Variants in GRID2 observed in about 807,000 individuals in gnomAD.
GRID2 encodes glutamate receptor ionotropic, delta-2.
In GRID2, 33 loss-of-function variants were observed where a neutral mutation model predicts 114.8. The observed-to-expected ratio is 0.29, with a 90% CI of 0.22 to 0.38. The LOEUF (loss-of-function observed/expected upper bound fraction) is 0.38. Among genes scored for constraint, GRID2 ranks in the 10% least tolerant of loss-of-function variants. GRID2 has a pLI of 1.00. For synonymous variants in GRID2, 505 were observed against 449.9 expected (o/e 1.12, Z -1.55); for missense variants, 1,184 against 1,257.7 (o/e 0.94, Z 0.89).
chr4:93,377,343 C>T (rs1763471320), intron 8 of GRID2, among the ~76,000 whole-genome samples: 4 of 151,884 alleles, frequency 2.6e-5, no homozygotes, highest in African/African-American at 9.7e-5. Flanking sequence ...AGTTGTTTTG[C>T]CTGAGTTATG....
intron 8 of GRID2, among the ~76,000 whole-genome samples, chr4:93,390,187 G>C (rs775906774): frequency 2.0e-5 from 3 of 152,178 alleles, no homozygotes; most frequent in Non-Finnish European, 4.4e-5. Flanking sequence ...TACTCCTGGG[G>C]ATTCTGACTT....
intron 2 of GRID2, among the ~76,000 whole-genome samples, chr4:92,991,646 C>G (rs1408373708): frequency 2.0e-5 from 3 of 152,144 alleles, no homozygotes; most frequent in African/African-American, 7.2e-5. Context: ...TTTCTGAGAT[C>G]TGCTACACAT....
chr4:93,110,053 T>G (rs897730409), intron 3 of GRID2, among the ~76,000 whole-genome samples: 1 of 152,186 alleles, frequency 6.6e-6, no homozygotes, highest in African/African-American at 2.4e-5. Flanking sequence ...AAATGTTACT[T>G]AATATTTTCT....
At chr4:93,222,064 C>T (rs944244401) in intron 6 of GRID2, among the ~76,000 whole-genome samples, 3 of 152,094 alleles carry the variant, frequency 2.0e-5, no homozygotes, top group African/African-American at 7.2e-5. Context: ...CTCTCTCCAT[C>T]CTTCGTCTTC....
intron 2 of GRID2, among the ~76,000 whole-genome samples, chr4:93,064,082 T>C (rs1305582519): frequency 6.7e-6 from 1 of 149,298 alleles, no homozygotes; most frequent in Non-Finnish European, 1.5e-5. Flanking sequence ...ATGTTAATGG[T>C]ATACACTATA....
chr4:93,755,754 G>T (rs1732691959), intron 14 of GRID2, among the ~76,000 whole-genome samples: 1 of 152,138 alleles, frequency 6.6e-6, no homozygotes, highest in African/African-American at 2.4e-5. Flanking sequence ...TTAGAACAAA[G>T]TTTTTGAAGA....
chr4:93,564,850 G>A lies in GRID2; in HGVS notation c.2193+49439G>A, dbSNP rs951757818. On this transcript the variant is annotated intron_variant, in intron 13 of 15. Coordinates refer to ENST00000282020, the MANE Select transcript of GRID2 (RefSeq NM_001510.4). Reference sequence around the variant, plus strand: ...ATACAGCACCATATTACAAATATACGTCACTGTTTACTCAATTTATATCTG... The same window carrying A: ...ATACAGCACCATATTACAAATATACATCACTGTTTACTCAATTTATATCTG... Among the ~76,000 whole-genome samples the A allele has an allele frequency of 1.4e-4, 22 of 152,006 alleles. No homozygotes were observed. The East Asian group carries it at 1.5e-3, about 11-fold the overall frequency.
intron 13 of GRID2, among the ~76,000 whole-genome samples, chr4:93,577,796 G>A (rs1736566459): frequency 6.6e-6 from 1 of 152,256 alleles, no homozygotes; most frequent in South Asian, 2.1e-4. Flanking sequence ...AAGTAGTTTT[G>A]TCAGCTTTCT....
intron 13 of GRID2, among the ~76,000 whole-genome samples, chr4:93,540,054 G>T (rs1451274439): frequency 6.6e-6 from 1 of 151,838 alleles, no homozygotes. Flanking sequence ...AAAGCCTTCT[G>T]ATTGATTCTT....
intron 13 of GRID2, among the ~76,000 whole-genome samples, chr4:93,553,173 G>T (rs1036235109): frequency 6.6e-6 from 1 of 152,156 alleles, no homozygotes; most frequent in African/African-American, 2.4e-5. Context: ...GAGTCAAGTG[G>T]TACTTCTAGT....
intron 2 of GRID2, among the ~76,000 whole-genome samples, chr4:93,025,481 CA>C (rs1427120790): frequency 4.6e-5 from 7 of 151,798 alleles, no homozygotes; most frequent in African/African-American, 1.7e-4. Context: ...TTTCTCACAA[CA>C]AAATCAGGTC....
At chr4:92,353,854 A>G (rs1728189937) in intron 1 of GRID2, among the ~76,000 whole-genome samples, 2 of 151,908 alleles carry the variant, frequency 1.3e-5, no homozygotes, top group African/African-American at 4.8e-5. Context: ...CATAACCTCC[A>G]TATCGATTGC....
chr4:93,590,981 T>C (rs554835398), intron 13 of GRID2, among the ~76,000 whole-genome samples: 556 of 151,802 alleles, frequency 3.7e-3, no homozygotes, highest in African/African-American at 0.013. Context: ...TTTCTAGATA[T>C]ACAATCATGT....
chr4:92,980,873 T>G (rs1248919974), intron 2 of GRID2, among the ~76,000 whole-genome samples: 3 of 152,068 alleles, frequency 2.0e-5, no homozygotes, highest in African/African-American at 7.2e-5. Flanking sequence ...AATATGTAGC[T>G]ACTTACCCAG....
intron 2 of GRID2, among the ~76,000 whole-genome samples, chr4:92,700,915 A>G (rs1013558114): frequency 2.7e-5 from 4 of 149,916 alleles, no homozygotes; most frequent in Non-Finnish European, 4.4e-5. Context: ...AATGGCGTGA[A>G]CCCGGGAGGT....
chr4:92,530,775 C>T lies in GRID2; in HGVS notation c.89-59356C>T, dbSNP rs566579773. Reference sequence around the variant, plus strand: ...AAAAAAAATTAGCTGGGCGTGGTGGCGTGTGCCTATAATCCCAACTACTCA... The same window carrying T: ...AAAAAAAATTAGCTGGGCGTGGTGGTGTGTGCCTATAATCCCAACTACTCA... On this transcript the variant is annotated intron_variant, in intron 1 of 15. Transcript: ENST00000282020. 2.2e-4 allele frequency among the ~76,000 whole-genome samples: 32 copies of T among 148,800 alleles called. No homozygotes were observed. The South Asian group carries it at 5.9e-3, about 28-fold the overall frequency.
At position 93,218,472 on chromosome 4, in the gene GRID2, C is replaced by G. The variant is rs116208275; in HGVS notation, c.963+1561C>G. ...TGAGCCAAGATTGTGCTACTGCACTCCAGCCTCCAGCCTGGGTTTCAAAGT... is the reference window on the plus strand; with the variant it reads ...TGAGCCAAGATTGTGCTACTGCACTGCAGCCTCCAGCCTGGGTTTCAAAGT... On this transcript the variant is annotated intron_variant, in intron 6 of 15. Coordinates refer to ENST00000282020, the MANE Select transcript of GRID2 (RefSeq NM_001510.4). 8.9e-3 allele frequency among the ~76,000 whole-genome samples: 1,362 copies of G among 152,184 alleles called. 21 individuals carry two copies. Among genetic ancestry groups the G allele is most frequent in the African/African-American group, 0.031 (1,294 of 41,516 alleles).
intron 14 of GRID2, among the ~76,000 whole-genome samples, chr4:93,701,738 C>G (rs1727527858): frequency 6.6e-6 from 1 of 151,886 alleles, no homozygotes; most frequent in Non-Finnish European, 1.5e-5. Flanking sequence ...TCTGTAGTCC[C>G]AGATACTTGG....
intron 2 of GRID2, among the ~76,000 whole-genome samples, chr4:92,705,444 T>C (rs1734909097): frequency 6.6e-6 from 1 of 152,186 alleles, no homozygotes; most frequent in Non-Finnish European, 1.5e-5. Flanking sequence ...AAGAAACATA[T>C]TCAGGCAGAA....
Sources: gnomAD v4.1 joint callset for allele counts (sites outside exome capture counted in the v4.1 genomes callset) on GRCh38, gnomAD v4.1.1 for gene constraint, MANE v1.5 for transcripts, NCBI Gene and HGNC (gene_info 2026-07-23, HGNC 2026-07-21) for gene names.